ANKS1B: variants seen among roughly 807,000 people sequenced by gnomAD.
The protein encoded by ANKS1B is ankyrin repeat and sterile alpha motif domain-containing protein 1B.
ANKS1B carries 36 observed loss-of-function variants against 148.3 expected under a neutral mutation model. That is an observed-to-expected ratio of 0.24 (90% CI 0.19 to 0.32). ANKS1B has a LOEUF of 0.32. Among genes scored for constraint, ANKS1B ranks in the 10% least tolerant of loss-of-function variants. ANKS1B has a pLI of 1.00. For synonymous variants in ANKS1B, 542 were observed against 560.8 expected (o/e 0.97, Z 0.47); for missense variants, 1,157 against 1,542.6 (o/e 0.75, Z 4.19).
intron 14 of ANKS1B, among the ~76,000 whole-genome samples, chr12:99,165,570 A>T (rs1196082181): frequency 6.6e-6 from 1 of 152,010 alleles, no homozygotes; most frequent in East Asian, 1.9e-4. Context: ...AACCTCACTC[A>T]TGAAGAAAAG....
At chr12:99,918,560 T>C (rs1005811047) in intron 1 of ANKS1B, among the ~76,000 whole-genome samples, 2 of 152,166 alleles carry the variant, frequency 1.3e-5, no homozygotes, top group Admixed American at 6.5e-5. Context: ...AGTGATAGAA[T>C]CAGAACTTGA....
chr12:99,227,580 G>A (rs2086149683), intron 14 of ANKS1B, among the ~76,000 whole-genome samples: 1 of 152,082 alleles, frequency 6.6e-6, no homozygotes, highest in South Asian at 2.1e-4. Context: ...CAAGTCAGTG[G>A]GCAAGAAATG....
chr12:98,982,932 T>C (rs2099914174), intron 17 of ANKS1B, among the ~76,000 whole-genome samples: 1 of 152,262 alleles, frequency 6.6e-6, no homozygotes, highest in Non-Finnish European at 1.5e-5. Context: ...ATACACATTT[T>C]AAACTTTAGT....
intron 9 of ANKS1B, among the ~76,000 whole-genome samples, chr12:99,540,200 TA>T (rs916439927): frequency 9.9e-5 from 15 of 152,038 alleles, no homozygotes; most frequent in African/African-American, 2.2e-4. Flanking sequence ...AATAGACAAT[TA>T]AAAAATAATA....
intron 11 of ANKS1B, among the ~76,000 whole-genome samples, chr12:99,415,052 T>C (rs2094851958): frequency 6.6e-6 from 1 of 152,208 alleles, no homozygotes. Flanking sequence ...CTAGTTTTTA[T>C]TCTAGTTTTA....
chr12:99,040,959 A>G (rs570955852), intron 17 of ANKS1B, among the ~76,000 whole-genome samples: 1 of 152,146 alleles, frequency 6.6e-6, no homozygotes, highest in South Asian at 2.1e-4. Context: ...ACTCCATAGC[A>G]CCTCTTGTTC....
At chr12:99,960,043 A>T (rs1233194370) in intron 1 of ANKS1B, among the ~76,000 whole-genome samples, 1 of 152,238 alleles carries the variant, frequency 6.6e-6, no homozygotes, top group African/African-American at 2.4e-5. Context: ...GAAAACAGCC[A>T]AAATGAGCAC....
At chr12:99,740,351 A>G (rs1354963357) in intron 8 of ANKS1B, among the ~76,000 whole-genome samples, 1 of 152,150 alleles carries the variant, frequency 6.6e-6, no homozygotes, top group Non-Finnish European at 1.5e-5. Flanking sequence ...CAAAAAAACT[A>G]GTCAATAAAT....
At chr12:98,950,478 CAG>C (rs1429367511) in intron 17 of ANKS1B, among the ~76,000 whole-genome samples, 2 of 152,236 alleles carry the variant, frequency 1.3e-5, no homozygotes, top group East Asian at 3.9e-4. Context: ...GCCTGGGTAA[CAG>C]AGTGAGACTC....
intron 15 of ANKS1B, among the ~76,000 whole-genome samples, chr12:99,105,253 G>GC (rs1185881109): frequency 6.6e-6 from 1 of 152,104 alleles, no homozygotes; most frequent in East Asian, 1.9e-4. Flanking sequence ...TTTCTATCCT[G>GC]CCCCCCAAGG....
intron 17 of ANKS1B, among the ~76,000 whole-genome samples, chr12:98,964,496 C>T (rs56935245): frequency 1.6e-4 from 25 of 152,126 alleles, no homozygotes; most frequent in African/African-American, 5.5e-4. Flanking sequence ...TGTCTTATCT[C>T]TGTACTCCCA....
intron 9 of ANKS1B, among the ~76,000 whole-genome samples, chr12:99,560,839 T>C (rs977129800): frequency 1.9e-5 from 2 of 103,390 alleles, no homozygotes; most frequent in African/African-American, 6.7e-5. Flanking sequence ...CTTTCTTTTT[T>C]CTTTTTTTTT....
chr12:99,834,505 TTAG>T (rs1278306072), intron 1 of ANKS1B, among the ~76,000 whole-genome samples: 1 of 152,208 alleles, frequency 6.6e-6, no homozygotes, highest in Non-Finnish European at 1.5e-5. Context: ...ACAAATCAGA[TTAG>T]TAGATTTTAG....
intron 17 of ANKS1B, among the ~76,000 whole-genome samples, chr12:98,837,369 T>C (rs1428023021): frequency 1.3e-5 from 2 of 148,910 alleles, no homozygotes; most frequent in South Asian, 4.2e-4. Context: ...GAAAAGGAAA[T>C]AAAAGTTATG....
chr12:99,824,871 A>G (rs2082977675), intron 2 of ANKS1B, among the ~76,000 whole-genome samples: 1 of 152,218 alleles, frequency 6.6e-6, no homozygotes, highest in Non-Finnish European at 1.5e-5. Flanking sequence ...CTAAATAAGG[A>G]TTCTGAAGTG....
At chr12:98,742,463 T>C (rs1480186013), downstream of ANKS1B, among the ~76,000 whole-genome samples, 1 of 152,182 alleles carries the variant, frequency 6.6e-6, no homozygotes, top group Non-Finnish European at 1.5e-5. Context: ...CTGAGTGCAA[T>C]ATGTTGGCTG....
intron 15 of ANKS1B, among the ~76,000 whole-genome samples, chr12:99,102,991 G>A (rs962558517): frequency 2.0e-5 from 3 of 151,792 alleles, no homozygotes; most frequent in Non-Finnish European, 2.9e-5. Flanking sequence ...AAAAAAAAAA[G>A]GAGACACTTA....
At chr12:98,915,192 T>TA (rs1329701290) in intron 17 of ANKS1B, among the ~76,000 whole-genome samples, 1 of 152,130 alleles carries the variant, frequency 6.6e-6, no homozygotes, top group African/African-American at 2.4e-5. Flanking sequence ...AGCGTCCTTC[T>TA]AGAAAGAATG....
chr12:99,525,066 C>T (rs1468240181), intron 9 of ANKS1B, among the ~76,000 whole-genome samples: 3 of 152,058 alleles, frequency 2.0e-5, no homozygotes, highest in Admixed American at 6.6e-5. Context: ...CTGGTAGGGC[C>T]CATTCTGGAC....
Sources: gnomAD v4.1 joint callset for allele counts (sites outside exome capture counted in the v4.1 genomes callset) on GRCh38, gnomAD v4.1.1 for gene constraint, MANE v1.5 for transcripts, NCBI Gene and HGNC (gene_info 2026-07-23, HGNC 2026-07-21) for gene names.